The following BAG6 variants were observed in gnomAD, a reference collection of about 807,000 sequenced individuals.
BAG6 encodes the protein BAG cochaperone 6, also known as large proline-rich protein BAG6.
In BAG6, 22 loss-of-function variants were observed where a neutral mutation model predicts 121.0. The observed-to-expected ratio is 0.18, with a 90% CI of 0.13 to 0.26. The LOEUF (loss-of-function observed/expected upper bound fraction) is 0.26, where lower values mean the gene tolerates loss of function less well. Among genes scored for constraint, BAG6 ranks in the 10% least tolerant of loss-of-function variants. BAG6 has a pLI of 1.00. For missense variants in BAG6, 1,233 were observed against 1,537.7 expected, an observed-to-expected ratio of 0.80 and a Z score of 3.31; for synonymous variants, 583 against 584.6, an observed-to-expected ratio of 1.00 and a Z score of 0.04.
At position 31,645,622 on chromosome 6, in the gene BAG6, A is replaced by T; in HGVS notation, c.919-18T>A. 5 of 1,611,912 alleles carry T rather than the reference A, an allele frequency of 3.1e-6. No individual in the cohort carries two copies. Among genetic ancestry groups the T allele is most frequent in the Non-Finnish European group, 3.4e-6 (4 of 1,179,538 alleles). On this transcript the variant is annotated intron_variant, in intron 8 of 25. Coordinates refer to ENST00000676615, the MANE Select transcript of BAG6 (RefSeq NM_001387994.1). ...CCCTCGTGCTGCGCACAACCAGCCAAACACAAAAAGGCAGAAAATATCAAG... is the reference window on the plus strand; with the variant it reads ...CCCTCGTGCTGCGCACAACCAGCCATACACAAAAAGGCAGAAAATATCAAG...
At chr6:31,649,674 G>A (rs1794157406) in intron 2 of BAG6, 47 bp from the exon 3 acceptor site, 6 of 1,547,314 alleles carry the variant, frequency 3.9e-6, no homozygotes, top group Non-Finnish European at 5.3e-6. Flanking sequence ...GGAGGAAAGA[G>A]GAAGAACAAA....
chr6:31,651,588 C>G (rs1261657211), intron 2 of BAG6, 68 bp downstream of exon 2: 3 of 1,365,678 alleles, frequency 2.2e-6, no homozygotes, highest in Non-Finnish European at 1.0e-6. Context: ...TCAAGCTCAT[C>G]TCTCAGGCTA....
At chr6:31,639,828 T>A in intron 24 of BAG6, 182 bp from the exon 25 acceptor site, 1 of 776,962 alleles carries the variant, frequency 1.3e-6, no homozygotes, top group Non-Finnish European at 2.0e-6. Flanking sequence ...TCTTTGGCAC[T>A]AGCCAAAACT....
Position 31,640,174 on chromosome 6 carries a change from A to G in BAG6, c.3246+25T>C, listed in dbSNP as rs1363346870. 1.9e-6 allele frequency: 3 copies of G among 1,603,888 alleles called. No individual in the cohort carries two copies. Among genetic ancestry groups the G allele is most frequent in the Non-Finnish European group, 2.6e-6 (3 of 1,171,428 alleles). ...GACGGGGAAACCTGGATAGAGAGAG[A>G]GGCTTAGGGAAGAGGAAAACCAACC... On this transcript the variant is annotated intron_variant, in intron 24 of 25. Transcript: ENST00000676615. The surrounding 1 kb of genome is among the most constrained non-coding windows in gnomAD (Gnocchi z 4.2).
chr6:31,641,508 G>C lies in BAG6; in HGVS notation c.2559+31C>G. On this transcript the variant is annotated intron_variant, in intron 18 of 25. Coordinates refer to ENST00000676615, the MANE Select transcript of BAG6 (RefSeq NM_001387994.1). This position sits in a 1 kb window ranked among gnomAD's most constrained non-coding sequence, Gnocchi z 5.7. ...AGGCAGCTGCCTTGACCAGACCCAGGAGAGGAAAGGAATAGAGAAGGGTTA... is the reference window on the plus strand; with the variant it reads ...AGGCAGCTGCCTTGACCAGACCCAGCAGAGGAAAGGAATAGAGAAGGGTTA... 2 of 1,614,130 alleles carry C rather than the reference G, an allele frequency of 1.2e-6. No homozygotes were observed. Among genetic ancestry groups the C allele is most frequent in the South Asian group, 1.1e-5 (1 of 91,088 alleles).
chr6:31,639,307 G>A (rs1319784501), intron 25 of BAG6, 81 bp from the exon 26 acceptor site: 7 of 1,473,658 alleles, frequency 4.8e-6, no homozygotes, highest in Admixed American at 1.8e-5. Flanking sequence ...CCATCCCTCA[G>A]AAGCTAACAT....
rs766837426 is a variant in BAG6 at position 31,639,204 on chromosome 6, C to T, written c.3416G>A (p.Arg1139Gln). The T allele has an allele frequency of 1.2e-6, 2 of 1,613,656 alleles. No individual in the cohort carries two copies. The highest frequency in any genetic ancestry group is 1.7e-6 in the Non-Finnish European group (2 of 1,179,820). Residue 1139 changes from arginine to glutamine, a missense_variant, in exon 26 of 26, where the codon CGA becomes CAA. Around this residue, in one of 7 missense-constraint regions of BAG6, gnomAD observed 102 missense variants for 103.2 expected, o/e 0.99. Transcript: ENST00000676615. Reference protein sequence around the residue: ...RQQLRSDIQKRLQEDPNYSPQ... With the variant: ...RQQLRSDIQKQLQEDPNYSPQ... Reference sequence around the variant, plus strand: ...ACTGTAGTTGGGGTCTTCCTGCAGTCGTTTTTGTATATCAGACCGGAGCTA... The same window carrying T: ...ACTGTAGTTGGGGTCTTCCTGCAGTTGTTTTTGTATATCAGACCGGAGCTA...
chr6:31,643,047 T>G lies in BAG6; in HGVS notation c.1825A>C (p.Asn609His). Residue 609 changes from asparagine (N) to histidine (H), a missense_variant, in exon 15 of 26, where the codon AAC becomes CAC. By Grantham distance (68) the Asn-to-His change is moderately conservative. This residue lies in a region of BAG6 where 777 missense variants were observed against 861.4 expected (regional missense o/e 0.90). Transcript: ENST00000676615. The stretch of plus-strand genomic sequence containing the variant: ...GCGGGGCCAGCTGTGGTAGCTGTGT[T>G]GGTGGTGCCAGCACTGGCAGAAGCA... ...ATASASAGTTNTATTAGPAPG... is the reference protein window; with the variant it reads ...ATASASAGTTHTATTAGPAPG... 6.3e-7 allele frequency: 1 copy of G among 1,589,290 alleles called. No homozygotes were observed. The highest frequency in any genetic ancestry group is 8.5e-7 in the Non-Finnish European group (1 of 1,169,854).
intron 2 of BAG6, among the ~76,000 whole-genome samples, chr6:31,650,984 G>A (rs3130050): frequency 0.89 from 136,232 of 152,266 alleles, 61,072 homozygotes; most frequent in East Asian, 0.99. Flanking sequence ...TACCCTTTAA[G>A]AACACAGCAT....
Position 31,649,503 on chromosome 6 carries a change from C to G in BAG6, c.226+7G>C. The G allele has an allele frequency of 1.2e-6, 2 of 1,614,042 alleles. No homozygotes were observed. Among genetic ancestry groups the G allele is most frequent in the Non-Finnish European group, 1.7e-6 (2 of 1,179,892 alleles). On this transcript the variant is annotated splice_region_variant and intron_variant, in intron 3 of 25. Transcript: ENST00000676615. ...CAACCTCTGAACTGCCTCCCCAGCC[C>G]CCTTACTGTATTCCTGAAGCTTCTT...
In BAG6 at chr6:31,642,923, G is replaced by A. The variant is rs908266605; in HGVS notation, c.1949C>T (p.Pro650Leu). ...LLGNLLGPAGPGAGGSGVASP... is the reference protein window; with the variant it reads ...LLGNLLGPAGLGAGGSGVASP... ...AGCCACACCAGACCCTCCAGCCCCT[G>A]GCCCTGCAGGCCCTAGCAGGTTCCC... Residue 650 changes from proline (P) to leucine (L), a missense_variant, in exon 15 of 26, where the codon CCA becomes CTA. By Grantham distance (98) the Pro-to-Leu change is moderately conservative (BLOSUM62 -3). Coordinates refer to ENST00000676615, the MANE Select transcript of BAG6 (RefSeq NM_001387994.1). 3 of 1,609,278 alleles carry A rather than the reference G, an allele frequency of 1.9e-6. No homozygotes were observed. The highest frequency in any genetic ancestry group is 2.5e-6 in the Non-Finnish European group (3 of 1,178,064).
Position 31,644,585 on chromosome 6 carries a change from C to T in BAG6, c.1387G>A (p.Gly463Ser). The T allele has an allele frequency of 6.2e-7, 1 of 1,612,752 alleles. No individual in the cohort carries two copies. The highest frequency in any genetic ancestry group is 8.5e-7 in the Non-Finnish European group (1 of 1,179,928). ...CCAGTGGGAGCACTCGGAACACCAC[C>T]AGGCTGTGTGCCAGAATCTGGGCAG... ...MNIQDSGTQP[G>S]GVPSAPTGPL... is the part of the protein sequence containing the mutation. The change falls in exon 11 of 26, where the codon GGT becomes AGT. Residue 463 changes from glycine to serine, a missense_variant. Around this residue, in one of 7 missense-constraint regions of BAG6, gnomAD observed 777 missense variants for 861.4 expected, o/e 0.90. Transcript: ENST00000676615. The surrounding 1 kb of genome is among the most constrained non-coding windows in gnomAD (Gnocchi z 4.9).
chr6:31,649,651 G>C, intron 2 of BAG6, 24 bp from the exon 3 acceptor site: 2 of 1,583,764 alleles, frequency 1.3e-6, no homozygotes, highest in African/African-American at 1.3e-5. Flanking sequence ...GCATGCACAG[G>C]AATGGAAAGA....
In BAG6 at chr6:31,639,627, G is replaced by C. The variant is rs1780396009; in HGVS notation, c.3266C>G (p.Pro1089Arg). The change falls in exon 25 of 26, where the codon CCC becomes CGC. Residue 1089 changes from proline to arginine, a missense_variant. This residue lies in a region of BAG6 where 102 missense variants were observed against 103.2 expected (regional missense o/e 0.99). Transcript: ENST00000676615. ...CACAGCCTCTGAGAGAAGCAGCTGG[G>C]GGCCCTCACCCTGCATCGTCTGGGG... Reference protein sequence around the residue: ...KRRKTMQGEGPQLLLSEAVSR... With the variant: ...KRRKTMQGEGRQLLLSEAVSR... The C allele has an allele frequency of 3.7e-6, 6 of 1,612,748 alleles. No individual in the cohort carries two copies. Among genetic ancestry groups the C allele is most frequent in the Non-Finnish European group, 5.1e-6 (6 of 1,179,154 alleles).
chr6:31,647,633 G>A lies in BAG6; in HGVS notation c.746C>T (p.Ala249Val). 1 of 1,606,624 alleles carries A rather than the reference G, an allele frequency of 6.2e-7. No individual in the cohort carries two copies. The highest frequency in any genetic ancestry group is 8.5e-7 in the Non-Finnish European group (1 of 1,177,578). Residue 249 changes from alanine to valine, a missense_variant, in exon 7 of 26, where the codon GCC becomes GTC. By Grantham distance (64) the Ala-to-Val change is moderately conservative (BLOSUM62 0). Around this residue, in one of 7 missense-constraint regions of BAG6, gnomAD observed 777 missense variants for 861.4 expected, o/e 0.90. Coordinates refer to ENST00000676615, the MANE Select transcript of BAG6 (RefSeq NM_001387994.1). ...AQNPELTPGP[A>V]PAGPTPAPET... Reference sequence around the variant, plus strand: ...CGGGGCAGGTGTTGGGCCCGCTGGGGCTGGGCCAGGAGTGAGCTCCGGGTT... The same window carrying A: ...CGGGGCAGGTGTTGGGCCCGCTGGGACTGGGCCAGGAGTGAGCTCCGGGTT...
chr6:31,641,804 C>T lies in BAG6; in HGVS notation c.2477G>A (p.Gly826Asp), dbSNP rs1783108789. The change falls in exon 17 of 26, where the codon GGT (glycine) becomes GAT (aspartate). Residue 826 changes from glycine (G) to aspartate (D), a missense_variant. Gly to Asp is a moderately conservative substitution (Grantham distance 94). Coordinates refer to ENST00000676615, the MANE Select transcript of BAG6 (RefSeq NM_001387994.1). The surrounding 1 kb of genome is among the most constrained non-coding windows in gnomAD (Gnocchi z 5.7). ...RSFFHQHYLG[G>D]QEPTPSNIRM... ...GATGTTACTGGGTGTGGGCTCCTGA[C>T]CACCCAGGTAGTGCTGGTGGAAGAA... The T allele has an allele frequency of 6.2e-7, 1 of 1,613,024 alleles. No individual in the cohort carries two copies. Among genetic ancestry groups the T allele is most frequent in the African/African-American group, 1.3e-5 (1 of 74,916 alleles).
Position 31,644,137 on chromosome 6 carries a change from G to A in BAG6, c.1613C>T (p.Thr538Ile). 6.2e-7 allele frequency: 1 copy of A among 1,614,098 alleles called. No individual in the cohort carries two copies. The highest frequency in any genetic ancestry group is 8.5e-7 in the Non-Finnish European group (1 of 1,179,990). Residue 538 changes from threonine (T) to isoleucine (I), a missense_variant, in exon 13 of 26, where the codon ACT becomes ATT. Physicochemically the swap from Thr to Ile is moderately conservative, Grantham distance 89. Around this residue, in one of 7 missense-constraint regions of BAG6, gnomAD observed 777 missense variants for 861.4 expected, o/e 0.90. Coordinates refer to ENST00000676615, the MANE Select transcript of BAG6 (RefSeq NM_001387994.1). This position sits in a 1 kb window ranked among gnomAD's most constrained non-coding sequence, Gnocchi z 4.9. ...ATGGGAAGGCCGAGCCTGTGGAGGA[G>A]TGGGCCGGGCAATCACCACCCGGGT... ...APTRVVIARP[T>I]PPQARPSHPG...
At position 31,647,712 on chromosome 6, in the gene BAG6, G is replaced by A. The variant is rs771414170; in HGVS notation, c.667C>T (p.Pro223Ser). The change falls in exon 7 of 26, where the codon CCT becomes TCT. Residue 223 changes from proline to serine, a missense_variant. Around this residue, in one of 7 missense-constraint regions of BAG6, gnomAD observed 777 missense variants for 861.4 expected, o/e 0.90. Transcript: ENST00000676615. ...TCTGCCTCCATGGGCTCCCGGGGAG[G>A]TGCTTCACTTTCAACTGGTTCTGAT... ...QTSEPVESEA[P>S]PREPMEAEEV... 18 of 1,603,432 alleles carry A rather than the reference G, an allele frequency of 1.1e-5. No homozygotes were observed. Among genetic ancestry groups the A allele is most frequent in the South Asian group, 1.0e-4 (9 of 89,606 alleles).
chr6:31,643,008 C>T lies in BAG6; in HGVS notation c.1864G>A (p.Ala622Thr). 1 of 1,591,078 alleles carries T rather than the reference C, an allele frequency of 6.3e-7. No homozygotes were observed. Among genetic ancestry groups the T allele is most frequent in the Non-Finnish European group, 8.5e-7 (1 of 1,169,944 alleles). ...TTAGPAPGGPAQPPPTPQPSM... is the reference protein window; with the variant it reads ...TTAGPAPGGPTQPPPTPQPSM... ...GGTTGAGGGGTGGGTGGAGGCTGGG[C>T]AGGCCCCCCAGGAGCGGGGCCAGCT... The change falls in exon 15 of 26, where the codon GCC becomes ACC. Residue 622 changes from alanine to threonine, a missense_variant. By Grantham distance (58) the Ala-to-Thr change is moderately conservative. This residue lies in a region of BAG6 where 777 missense variants were observed against 861.4 expected (regional missense o/e 0.90). Coordinates refer to ENST00000676615, the MANE Select transcript of BAG6 (RefSeq NM_001387994.1).
Sources: gnomAD v4.1 joint callset for allele counts (sites outside exome capture counted in the v4.1 genomes callset) on GRCh38, gnomAD v4.1.1 for gene constraint, gnomAD v4.1.1 regional missense constraint, Gnocchi (gnomAD v3.1) non-coding constraint, MANE v1.5 for transcripts, NCBI Gene and HGNC (gene_info 2026-07-23, HGNC 2026-07-21) for gene names.